The following DCAF17 variants were observed in gnomAD, a reference collection of about 807,000 sequenced individuals.
DCAF17 encodes the protein DDB1 and CUL4 associated factor 17, also known as DDB1- and CUL4-associated factor 17.
A neutral mutation model predicts 66.0 loss-of-function variants in DCAF17; 48 were observed. That is an observed-to-expected ratio of 0.73 (90% CI 0.58 to 0.92). The LOEUF (loss-of-function observed/expected upper bound fraction) is 0.92. Among genes scored for constraint, DCAF17 ranks in the 40% least tolerant of loss-of-function variants. DCAF17 has a pLI of 0.00. For missense variants in DCAF17, 562 were observed against 622.8 expected (o/e 0.90, Z 1.04); for synonymous variants, 206 against 214.6 (o/e 0.96, Z 0.35).
At chr2:171,461,838 C>T (rs1295675357) in intron 8 of DCAF17, among the ~76,000 whole-genome samples, 1 of 139,770 alleles carries the variant, frequency 7.2e-6, no homozygotes, top group East Asian at 2.6e-4. Flanking sequence ...CCCTAGGCAA[C>T]CAGTGATCTG....
At chr2:171,443,487 C>G in intron 2 of DCAF17, 36 bp from the exon 3 acceptor site, 1 of 1,550,534 alleles carries the variant, frequency 6.4e-7, no homozygotes, top group Non-Finnish European at 8.9e-7. Context: ...TCTTGGTTAT[C>G]AAGAATAATA....
rs780929146 is a variant in DCAF17 at position 171,476,901 on chromosome 2, ATCAGATC to A, written c.1136_1142del (p.Gln379LeufsTer28). On this transcript the variant is annotated frameshift_variant, in exon 11 of 14. Transcript: ENST00000375255. LOFTEE classifies it high-confidence loss of function. ...GAAATAGAAAATAATAGTTCTCAGCATCAGATCTCTGAAGATTTTGTCATTTTGGCCA... is the reference window on the plus strand; with the variant it reads ...GAAATAGAAAATAATAGTTCTCAGCATCTGAAGATTTTGTCATTTTGGCCA... 3.7e-6 allele frequency: 6 copies of A among 1,613,738 alleles called. No individual in the cohort carries two copies. The highest frequency in any genetic ancestry group is 5.1e-6 in the Non-Finnish European group (6 of 1,179,884).
At chr2:171,452,744 G>A (rs532891919) in intron 5 of DCAF17, among the ~76,000 whole-genome samples, 3 of 152,350 alleles carry the variant, frequency 2.0e-5, no homozygotes, top group East Asian at 1.9e-4. Flanking sequence ...AATTATAGGC[G>A]TGAGCTACCT....
rs1456988131 is a variant in DCAF17, at chr2:171,483,504, A to C, written c.*2390A>C. 1 of 453,978 alleles carries C rather than the reference A, an allele frequency of 2.2e-6. No individual in the cohort carries two copies. 28.1% of individuals were successfully genotyped at this position (453,978 alleles called of 1,614,324 possible). On this transcript the variant is annotated 3_prime_UTR_variant, in exon 14 of 14. Coordinates refer to ENST00000375255, the MANE Select transcript of DCAF17 (RefSeq NM_025000.4). Reference sequence around the variant, plus strand: ...GCTTATTGTTCCTCAATTTTTTACAATATTTATCACAACTCTGGGAGAAAA... The same window carrying C: ...GCTTATTGTTCCTCAATTTTTTACACTATTTATCACAACTCTGGGAGAAAA...
rs1402205538 is a variant in DCAF17, at chr2:171,485,015, C to T, written c.*3901C>T. 1 of 453,764 alleles carries T rather than the reference C, an allele frequency of 2.2e-6. No homozygotes were observed. The highest frequency in any genetic ancestry group is 2.4e-5 in the Admixed American group (1 of 42,520). 28.1% of individuals were successfully genotyped at this position (453,764 alleles called of 1,614,324 possible). A position where few individuals can be genotyped will look rare whatever the true frequency, so the allele number is the denominator to read the frequency against. On this transcript the variant is annotated 3_prime_UTR_variant, in exon 14 of 14. Coordinates refer to ENST00000375255, the MANE Select transcript of DCAF17 (RefSeq NM_025000.4). ...CTGGGCTCTTTCTGCTTGTTTTTTA[C>T]TGTTATGAATAAAGCTGCTATGAAC... is the stretch of plus-strand genomic sequence containing the variant.
chr2:171,464,431 T>C (rs893393088), intron 8 of DCAF17, among the ~76,000 whole-genome samples: 1 of 152,230 alleles, frequency 6.6e-6, no homozygotes, highest in Non-Finnish European at 1.5e-5. Flanking sequence ...CTCCAAATTC[T>C]GCCTCTCACT....
intron 2 of DCAF17, among the ~76,000 whole-genome samples, chr2:171,436,867 C>T (rs1253728513): frequency 4.6e-5 from 7 of 151,496 alleles, no homozygotes; most frequent in African/African-American, 7.3e-5. Flanking sequence ...CTCCACCTTC[C>T]GGGTTCAGGT....
At chr2:171,472,062 T>C (rs1312423029) in intron 9 of DCAF17, among the ~76,000 whole-genome samples, 2 of 152,110 alleles carry the variant, frequency 1.3e-5, no homozygotes, top group African/African-American at 2.4e-5. Context: ...GCACTTACAA[T>C]ATAACCCCAG....
chr2:171,435,312 G>A lies in DCAF17; in HGVS notation c.230+126G>A, dbSNP rs1693803588. The stretch of plus-strand genomic sequence containing the variant: ...AATGAAAAAAATGGGTCCGAAATAA[G>A]ACTAGGCAGTAAAAAATGCATGTAA... On this transcript the variant is annotated intron_variant, in intron 2 of 13. Coordinates refer to ENST00000375255, the MANE Select transcript of DCAF17 (RefSeq NM_025000.4). 1.6e-5 allele frequency: 12 copies of A among 727,742 alleles called. No individual in the cohort carries two copies. The East Asian group carries it at 3.0e-4, about 18-fold the overall frequency. The allele number at this position is 727,742 out of a possible 1,614,324, so 45.1% of individuals were successfully genotyped here.
chr2:171,451,324 CT>C (rs1336210023), intron 5 of DCAF17, among the ~76,000 whole-genome samples: 3 of 152,072 alleles, frequency 2.0e-5, no homozygotes, highest in Non-Finnish European at 2.9e-5. Context: ...AACTGCATGC[CT>C]TTTATTGGAA....
chr2:171,467,425 T>C (rs1166365994), intron 8 of DCAF17, among the ~76,000 whole-genome samples: 1 of 152,048 alleles, frequency 6.6e-6, no homozygotes, highest in African/African-American at 2.4e-5. Context: ...GCACAGTGGC[T>C]CACCTGTAAT....
At position 171,435,293 on chromosome 2, in the gene DCAF17, A is replaced by G. The variant is rs183749904; in HGVS notation, c.230+107A>G. 394 of 859,522 alleles carry G rather than the reference A, an allele frequency of 4.6e-4. 6 individuals are homozygous for G. In the East Asian group the frequency reaches 0.01, roughly 22 times the overall value. 53.2% of individuals were successfully genotyped at this position (859,522 alleles called of 1,614,324 possible). ...TTAGTGCCTAGTGAAATAGAATGAAAAAAATGGGTCCGAAATAAGACTAGG... is the reference window on the plus strand; with the variant it reads ...TTAGTGCCTAGTGAAATAGAATGAAGAAAATGGGTCCGAAATAAGACTAGG... On this transcript the variant is annotated intron_variant, in intron 2 of 13. Transcript: ENST00000375255.
At chr2:171,458,725 T>C (rs899961115) in intron 8 of DCAF17, among the ~76,000 whole-genome samples, 1 of 152,224 alleles carries the variant, frequency 6.6e-6, no homozygotes, top group African/African-American at 2.4e-5. Context: ...CAATTCACTT[T>C]ACTTTTCTGA....
At position 171,435,197 on chromosome 2, in the gene DCAF17, A is replaced by G. The variant is rs753188924; in HGVS notation, c.230+11A>G. ...GCGCTGTGTCAGCAGGTAACTTTTT[A>G]TTGATAATTTTGCTGTAATTCACCT... On this transcript the variant is annotated intron_variant, in intron 2 of 13. Coordinates refer to ENST00000375255, the MANE Select transcript of DCAF17 (RefSeq NM_025000.4). The G allele has an allele frequency of 8.8e-6, 14 of 1,596,726 alleles. No individual in the cohort carries two copies. The highest frequency in any genetic ancestry group is 1.2e-5 in the Non-Finnish European group (14 of 1,164,544).
intron 2 of DCAF17, among the ~76,000 whole-genome samples, chr2:171,437,835 T>A (rs913046032): frequency 1.3e-5 from 2 of 152,220 alleles, no homozygotes; most frequent in African/African-American, 4.8e-5. Context: ...TTTGTTGATT[T>A]TCTCTATTGA....
At position 171,482,591 on chromosome 2, in the gene DCAF17, G is replaced by T. The variant is rs540288434; in HGVS notation, c.*1477G>T. On this transcript the variant is annotated 3_prime_UTR_variant, in exon 14 of 14. Transcript: ENST00000375255. ...AGTTTCAAAGCAGCTGCAATGCTGT[G>T]TAAAAGTAGAGTGTTCATTCTCCAT... The T allele has an allele frequency of 2.2e-6, 1 of 454,032 alleles. No homozygotes were observed. The highest frequency in any genetic ancestry group is 6.9e-5 in the East Asian group (1 of 14,396). The allele number at this position is 454,032 out of a possible 1,614,324, so 28.1% of individuals were successfully genotyped here. A position where few individuals can be genotyped will look rare whatever the true frequency, so the allele number is the denominator to read the frequency against.
chr2:171,472,386 C>T (rs1696292819), intron 9 of DCAF17, among the ~76,000 whole-genome samples: 2 of 152,106 alleles, frequency 1.3e-5, no homozygotes, highest in South Asian at 4.1e-4. Flanking sequence ...ATCTTGTTGG[C>T]CACGCTAGTC....
intron 5 of DCAF17, among the ~76,000 whole-genome samples, chr2:171,452,875 T>G (rs563343046): frequency 2.0e-5 from 3 of 152,252 alleles, no homozygotes; most frequent in Non-Finnish European, 4.4e-5. Context: ...AAGAAATGTT[T>G]ACTTTTATGG....
chr2:171,438,875 T>C (rs1464868982), intron 2 of DCAF17, among the ~76,000 whole-genome samples: 2 of 152,158 alleles, frequency 1.3e-5, no homozygotes, highest in Non-Finnish European at 2.9e-5. Context: ...TAGCTAGGAC[T>C]ATAGGCATGT....
Sources: gnomAD v4.1 joint callset for allele counts (sites outside exome capture counted in the v4.1 genomes callset) on GRCh38, gnomAD v4.1.1 for gene constraint, MANE v1.5 for transcripts, NCBI Gene and HGNC (gene_info 2026-07-23, HGNC 2026-07-21) for gene names.